The following IQANK1 variants were observed in gnomAD, a reference collection of about 807,000 sequenced individuals.
The protein encoded by IQANK1 is IQ motif and ankyrin repeat domain-containing protein 1.
In IQANK1, 30 loss-of-function variants were observed where a neutral mutation model predicts 22.6. That is an observed-to-expected ratio of 1.33 (90% CI 0.99 to 1.80). IQANK1 has a LOEUF of 1.80. Among genes scored for constraint, IQANK1 ranks in the 40% most tolerant of loss-of-function variants. The pLI, the probability that IQANK1 is intolerant of heterozygous loss-of-function variation, is 0.00. For synonymous variants in IQANK1, 122 were observed against 99.6 expected (o/e 1.23, Z -1.34); for missense variants, 275 against 235.2 (o/e 1.17, Z -1.11).
At chr8:143,778,905 G>T (rs1412459328) in intron 7 of IQANK1, among the ~76,000 whole-genome samples, 1 of 152,146 alleles carries the variant, frequency 6.6e-6, no homozygotes. Flanking sequence ...GGGACTACAG[G>T]CATGCGCCAC....
At chr8:143,748,895 T>TATAAATATATATATCATATA (rs1819109962) in intron 3 of IQANK1, among the ~76,000 whole-genome samples, 2 of 24,322 alleles carry the variant, frequency 8.2e-5, no homozygotes, top group Non-Finnish European at 1.6e-4. Flanking sequence ...TCATAAATAC[T>TATAAATATATATATCATATA]TAAAAATATA....
chr8:143,766,672 C>G (rs1217572423), intron 3 of IQANK1, among the ~76,000 whole-genome samples: 2 of 149,466 alleles, frequency 1.3e-5, no homozygotes, highest in African/African-American at 2.5e-5. Context: ...TTCTGTCTCA[C>G]GAAAAAAAGA....
chr8:143,742,568 A>G (rs901993807), intron 3 of IQANK1: 15 of 455,976 alleles, frequency 3.3e-5, no homozygotes, highest in African/African-American at 2.8e-4. Flanking sequence ...TGGGCTGCCC[A>G]GGGGTGTGAT....
At position 143,758,087 on chromosome 8, in the gene IQANK1, A is replaced by G. The variant is rs1284754521; in HGVS notation, c.176-13401A>G. ...AGCACTGACCCAGCAGTGAGACAAGAATGTGAGGGTGTTTTGTCGGCCCTA... is the reference window on the plus strand; with the variant it reads ...AGCACTGACCCAGCAGTGAGACAAGGATGTGAGGGTGTTTTGTCGGCCCTA... On this transcript the variant is annotated intron_variant, in intron 3 of 13. Coordinates refer to ENST00000527139, the MANE Select transcript of IQANK1 (RefSeq NM_001381874.1). This position sits in a 1 kb window ranked among gnomAD's most constrained non-coding sequence, Gnocchi z 4.2. The G allele has an allele frequency of 1.3e-5, 2 of 152,204 alleles. No individual in the cohort carries two copies. Among genetic ancestry groups the G allele is most frequent in the African/African-American group, 4.8e-5 (2 of 41,452 alleles). 9.4% of individuals were successfully genotyped at this position (152,204 alleles called of 1,614,324 possible).
intron 3 of IQANK1, chr8:143,759,083 T>C: frequency 3.4e-6 from 1 of 296,674 alleles, no homozygotes; most frequent in Non-Finnish European, 6.7e-6. Flanking sequence ...TGGCCGGACA[T>C]GACTCAATAC....
chr8:143,751,930 GTT>G (rs59874366), intron 3 of IQANK1, among the ~76,000 whole-genome samples: 3 of 149,502 alleles, frequency 2.0e-5, no homozygotes, highest in African/African-American at 2.4e-5. Context: ...TTTTTTGCCA[GTT>G]TTTTTTTTCT....
intron 7 of IQANK1, among the ~76,000 whole-genome samples, chr8:143,773,325 AC>A (rs797033647): frequency 0.092 from 12,651 of 137,594 alleles, 1,373 homozygotes; most frequent in African/African-American, 0.29. Flanking sequence ...AACAAAAAAA[AC>A]ACAAAAAAAA....
intron 7 of IQANK1, among the ~76,000 whole-genome samples, chr8:143,786,679 G>T (rs1819895077): frequency 6.6e-6 from 1 of 152,184 alleles, no homozygotes; most frequent in South Asian, 2.1e-4. Context: ...AGTCCCTTCT[G>T]TCACAACTCA....
intron 3 of IQANK1, among the ~76,000 whole-genome samples, chr8:143,761,040 C>G (rs2129873809): frequency 6.6e-6 from 1 of 152,304 alleles, no homozygotes; most frequent in Middle Eastern, 3.4e-3. Context: ...GGCGCGCGGG[C>G]CCTGAAGACC....
intron 3 of IQANK1, among the ~76,000 whole-genome samples, chr8:143,752,923 C>T (rs1478780769): frequency 2.0e-5 from 3 of 150,244 alleles, no homozygotes; most frequent in Non-Finnish European, 2.9e-5. Context: ...TCTCTTTCTT[C>T]TCTTTCTGAG....
intron 3 of IQANK1, among the ~76,000 whole-genome samples, chr8:143,747,048 T>G (rs1819046245): frequency 6.6e-6 from 1 of 151,720 alleles, no homozygotes; most frequent in Non-Finnish European, 1.5e-5. Context: ...CCCGGCTAAT[T>G]TTTTGTATTT....
rs1819578132 is a variant in IQANK1 at position 143,771,725 on chromosome 8, C to T, written c.307-76C>T. ...TGAGGCTCAGATCGGGCTCCGACCTCAGAGGCGTGGACCGTGGCCTCGGGG... is the reference window on the plus strand; with the variant it reads ...TGAGGCTCAGATCGGGCTCCGACCTTAGAGGCGTGGACCGTGGCCTCGGGG... On this transcript the variant is annotated intron_variant, in intron 4 of 13. Transcript: ENST00000527139. This position sits in a 1 kb window ranked among gnomAD's most constrained non-coding sequence, Gnocchi z 6.0. The T allele has an allele frequency of 1.3e-5, 5 of 397,158 alleles. No homozygotes were observed. The East Asian group carries it at 1.8e-4, about 14-fold the overall frequency. The allele number at this position is 397,158 out of a possible 1,614,324, so 24.6% of individuals were successfully genotyped here. A position where few individuals can be genotyped will look rare whatever the true frequency, so the allele number is the denominator to read the frequency against.
At chr8:143,737,488 G>A (rs1818774109) in intron 2 of IQANK1, among the ~76,000 whole-genome samples, 1 of 152,160 alleles carries the variant, frequency 6.6e-6, no homozygotes, top group African/African-American at 2.4e-5. Context: ...CCTGTGTGGC[G>A]GGCACCGGCT....
chr8:143,776,342 A>AG (rs1433720535), intron 7 of IQANK1, among the ~76,000 whole-genome samples: 2 of 150,724 alleles, frequency 1.3e-5, no homozygotes, highest in East Asian at 1.9e-4. Context: ...AAAAAAAAAA[A>AG]AAAGAAAAAG....
Position 143,771,767 on chromosome 8 carries a change from G to C in IQANK1, c.307-34G>C. 1 of 397,540 alleles carries C rather than the reference G, an allele frequency of 2.5e-6. No individual in the cohort carries two copies. Among genetic ancestry groups the C allele is most frequent in the South Asian group, 1.3e-4 (1 of 7,780 alleles). 24.6% of individuals were successfully genotyped at this position (397,540 alleles called of 1,614,324 possible). ...GCCTCGGGGCTCGGGGCGGTGGCGCGGAGTGGGCGGTGACTTCGGCGGGCG... is the reference window on the plus strand; with the variant it reads ...GCCTCGGGGCTCGGGGCGGTGGCGCCGAGTGGGCGGTGACTTCGGCGGGCG... On this transcript the variant is annotated intron_variant, in intron 4 of 13. Coordinates refer to ENST00000527139, the MANE Select transcript of IQANK1 (RefSeq NM_001381874.1). This position sits in a 1 kb window ranked among gnomAD's most constrained non-coding sequence, Gnocchi z 6.0.
intron 7 of IQANK1, among the ~76,000 whole-genome samples, chr8:143,775,710 T>A (rs1321597683): frequency 6.6e-6 from 1 of 150,820 alleles, no homozygotes; most frequent in Non-Finnish European, 1.5e-5. Flanking sequence ...TGCAGTGAGC[T>A]GAGATCGCGC....
At chr8:143,780,171 TTC>T (rs1805090806) in intron 7 of IQANK1, among the ~76,000 whole-genome samples, 1 of 152,166 alleles carries the variant, frequency 6.6e-6, no homozygotes, top group Non-Finnish European at 1.5e-5. Context: ...GCTTGCTTCC[TTC>T]TTTTTTTCAA....
intron 3 of IQANK1, chr8:143,759,076 C>T (rs1819344240): frequency 3.5e-6 from 1 of 285,210 alleles, no homozygotes; most frequent in Middle Eastern, 1.3e-3. Context: ...CTGCATTTGG[C>T]CGGACATGAC....
chr8:143,779,789 A>G (rs1554630791), intron 7 of IQANK1, among the ~76,000 whole-genome samples: 1 of 152,210 alleles, frequency 6.6e-6, no homozygotes, highest in African/African-American at 2.4e-5. Flanking sequence ...TAGTGAATGA[A>G]ATTCCTTGGC....
Sources: allele counts gnomAD v4.1 joint callset (sites outside exome capture counted in the v4.1 genomes callset), GRCh38; gene constraint gnomAD v4.1.1; non-coding constraint Gnocchi (gnomAD v3.1); transcripts MANE v1.5; gene names NCBI Gene and HGNC (gene_info 2026-07-23, HGNC 2026-07-21).